GRID1: variants seen among roughly 807,000 people sequenced by gnomAD.
GRID1 encodes the protein glutamate receptor ionotropic, delta-1.
In GRID1, 28 loss-of-function variants were observed where a neutral mutation model predicts 98.0. The observed-to-expected ratio is 0.29, with a 90% CI of 0.21 to 0.39. The LOEUF is 0.39. GRID1 is among the 10% of genes least tolerant of loss of function. The pLI is 1.00. For missense variants in GRID1, 1,111 were observed against 1,340.5 expected (o/e 0.83, Z 2.67); for synonymous variants, 553 against 538.5 (o/e 1.03, Z -0.37).
At chr10:86,085,316 C>T (rs1054851527) in intron 4 of GRID1, among the ~76,000 whole-genome samples, 2 of 152,196 alleles carry the variant, frequency 1.3e-5, no homozygotes, top group Admixed American at 6.5e-5. Context: ...CCTGCCACTG[C>T]CATTCCGTGG....
At chr10:86,293,426 C>T (rs1023104815) in intron 2 of GRID1, among the ~76,000 whole-genome samples, 7 of 152,198 alleles carry the variant, frequency 4.6e-5, no homozygotes, top group Admixed American at 6.5e-5. Context: ...AACTTCCTAG[C>T]GCCAGCAATG....
intron 12 of GRID1, among the ~76,000 whole-genome samples, chr10:85,701,860 G>A (rs1841455030): frequency 6.6e-6 from 1 of 152,074 alleles, no homozygotes; most frequent in Non-Finnish European, 1.5e-5. Flanking sequence ...ATAGTAAAGT[G>A]CAGTGTATAC....
intron 4 of GRID1, among the ~76,000 whole-genome samples, chr10:86,049,220 C>T (rs573858875): frequency 1.7e-4 from 26 of 152,314 alleles, no homozygotes; most frequent in African/African-American, 6.0e-4. Flanking sequence ...AGGCCTCCAG[C>T]AGCCTCTTAA....
chr10:86,050,698 T>G (rs1181221433), intron 4 of GRID1, among the ~76,000 whole-genome samples: 1 of 151,922 alleles, frequency 6.6e-6, no homozygotes, highest in Non-Finnish European at 1.5e-5. Flanking sequence ...AAAAAAGGAA[T>G]GAAAAACATG....
At chr10:85,804,656 T>C (rs940577818) in intron 8 of GRID1, among the ~76,000 whole-genome samples, 5 of 151,882 alleles carry the variant, frequency 3.3e-5, no homozygotes, top group Non-Finnish European at 5.9e-5. Context: ...GTCATAGAAT[T>C]GCAAGGTTGT....
intron 13 of GRID1, chr10:85,646,909 A>G (rs1277297962): frequency 2.3e-6 from 1 of 431,622 alleles, no homozygotes; most frequent in East Asian, 4.1e-5. Flanking sequence ...CCTCGGGTGG[A>G]CAGGCCTCTC....
At chr10:86,156,185 C>A (rs1461047413) in intron 3 of GRID1, among the ~76,000 whole-genome samples, 1 of 152,220 alleles carries the variant, frequency 6.6e-6, no homozygotes, top group Non-Finnish European at 1.5e-5. Context: ...GATGCATGCA[C>A]AGCTTGTTGC....
At chr10:85,965,919 C>A (rs1321118148) in intron 4 of GRID1, among the ~76,000 whole-genome samples, 1 of 152,112 alleles carries the variant, frequency 6.6e-6, no homozygotes, top group Non-Finnish European at 1.5e-5. Flanking sequence ...TAGATCTACT[C>A]CCACCACCTC....
At chr10:85,868,684 C>G (rs928824391) in intron 6 of GRID1, among the ~76,000 whole-genome samples, 1 of 152,162 alleles carries the variant, frequency 6.6e-6, no homozygotes, top group Non-Finnish European at 1.5e-5. Context: ...GACTCCACCC[C>G]CAGCCCTGCC....
intron 2 of GRID1, among the ~76,000 whole-genome samples, chr10:86,251,444 T>C (rs1049211908): frequency 6.6e-6 from 1 of 152,150 alleles, no homozygotes; most frequent in Non-Finnish European, 1.5e-5. Flanking sequence ...GGGCCATGGC[T>C]GGTCCTCATA....
intron 8 of GRID1, among the ~76,000 whole-genome samples, chr10:85,827,499 C>T (rs934863268): frequency 9.2e-5 from 14 of 151,728 alleles, no homozygotes; most frequent in African/African-American, 3.1e-4. Context: ...GTGAAGAGAC[C>T]AAATCTATGA....
At chr10:85,713,465 T>C (rs888403914) in intron 12 of GRID1, among the ~76,000 whole-genome samples, 14 of 151,510 alleles carry the variant, frequency 9.2e-5, no homozygotes, top group Admixed American at 6.6e-5. Context: ...TCCAAAAAAA[T>C]TGAAGGGAAC....
At chr10:86,283,331 A>G (rs1050801868) in intron 2 of GRID1, among the ~76,000 whole-genome samples, 1 of 152,144 alleles carries the variant, frequency 6.6e-6, no homozygotes, top group Non-Finnish European at 1.5e-5. Flanking sequence ...AGACCTCCTC[A>G]AGATAGCACC....
chr10:85,646,370 C>A (rs1263612846), intron 13 of GRID1: 2 of 152,484 alleles, frequency 1.3e-5, no homozygotes. Flanking sequence ...CCACCAGCAG[C>A]AAAATCATAA....
intron 4 of GRID1, among the ~76,000 whole-genome samples, chr10:86,047,498 A>T (rs1843440297): frequency 6.6e-6 from 1 of 152,234 alleles, no homozygotes; most frequent in African/African-American, 2.4e-5. Context: ...GTACAATTTC[A>T]TGGTTAATTA....
intron 5 of GRID1, among the ~76,000 whole-genome samples, chr10:85,912,241 G>A (rs908375142): frequency 2.0e-5 from 3 of 152,072 alleles, no homozygotes; most frequent in South Asian, 2.1e-4. Flanking sequence ...CCTCTCTAAG[G>A]TAATCTGCAA....
At chr10:86,130,241 G>A (rs1206137913) in intron 4 of GRID1, among the ~76,000 whole-genome samples, 1 of 152,104 alleles carries the variant, frequency 6.6e-6, no homozygotes, top group Non-Finnish European at 1.5e-5. Flanking sequence ...CTCTCCAAGG[G>A]GACTGGCAGC....
chr10:86,032,948 G>A (rs561554994), intron 4 of GRID1, among the ~76,000 whole-genome samples: 6 of 150,202 alleles, frequency 4.0e-5, no homozygotes, highest in South Asian at 2.1e-4. Flanking sequence ...AATAAATCAG[G>A]ATCCAATTTA....
rs991424193 is a variant in GRID1 at position 86,265,130 on chromosome 10, C to G, written c.236-58482G>C. Among the ~76,000 whole-genome samples the G allele has an allele frequency of 4.6e-5, 7 of 152,318 alleles. No individual in the cohort carries two copies. The South Asian group carries it at 1.2e-3, about 27-fold the overall frequency. On this transcript the variant is annotated intron_variant, in intron 2 of 15. Coordinates refer to ENST00000327946, the MANE Select transcript of GRID1 (RefSeq NM_017551.3). ...AGCTAGCCTGGCCCAGGCCTGCAGA[C>G]TGAGTGGCCCACCCTGCCCGGCCCC... is the stretch of plus-strand genomic sequence containing the variant.
Sources: gnomAD v4.1 joint callset for allele counts (sites outside exome capture counted in the v4.1 genomes callset) on GRCh38, gnomAD v4.1.1 for gene constraint, MANE v1.5 for transcripts, NCBI Gene and HGNC (gene_info 2026-07-23, HGNC 2026-07-21) for gene names.